LRRC9: variants seen among roughly 807,000 people sequenced by gnomAD.
The protein encoded by LRRC9 is leucine rich repeat containing 9, also known as leucine-rich repeat-containing protein 9.
A neutral mutation model predicts 63.2 loss-of-function variants in LRRC9; 122 were observed. The ratio of observed to expected loss-of-function variants is 1.93; its 90% CI spans 1.67 to 2.24. The LOEUF is 2.24. LRRC9 is among the 30% of genes most tolerant of loss of function. The pLI, the probability that LRRC9 is intolerant of heterozygous loss-of-function variation, is 0.00. For synonymous variants in LRRC9, 366 were observed against 213.1 expected, an observed-to-expected ratio of 1.72 and a Z score of -6.25; for missense variants, 1,071 against 627.7, an observed-to-expected ratio of 1.71 and a Z score of -7.55.
chr14:59,985,882 A>T (rs531912527), intron 17 of LRRC9, among the ~76,000 whole-genome samples: 1 of 152,312 alleles, frequency 6.6e-6, no homozygotes, highest in African/African-American at 2.4e-5. Context: ...TAAAATGAAT[A>T]TATTAAAATA....
intron 18 of LRRC9, 123 bp from the exon 19 acceptor site, chr14:59,998,978 G>A: frequency 2.2e-6 from 1 of 459,796 alleles, no homozygotes; most frequent in Non-Finnish European, 3.8e-6. Flanking sequence ...GCTTTTTTTA[G>A]GTATATGTAA....
chr14:59,996,481 G>A (rs1468848310), intron 17 of LRRC9, among the ~76,000 whole-genome samples: 1 of 152,096 alleles, frequency 6.6e-6, no homozygotes, highest in African/African-American at 2.4e-5. Context: ...TTTGAATTAA[G>A]TTGTAGAGAA....
intron 23 of LRRC9, among the ~76,000 whole-genome samples, chr14:60,016,116 G>T (rs918091554): frequency 6.6e-6 from 1 of 152,074 alleles, no homozygotes; most frequent in Non-Finnish European, 1.5e-5. Context: ...AGAAAATCCA[G>T]GGTGTCATTC....
At position 59,985,088 on chromosome 14, in the gene LRRC9, A is replaced by G. The variant is rs777319932; in HGVS notation, c.2092-17A>G. The G allele has an allele frequency of 6.2e-6, 4 of 644,528 alleles. No homozygotes were observed. The highest frequency in any genetic ancestry group is 5.2e-5 in the South Asian group (3 of 58,096). The allele number at this position is 644,528 out of a possible 1,614,324, so 39.9% of individuals were successfully genotyped here. On this transcript the variant is annotated splice_polypyrimidine_tract_variant and intron_variant, in intron 16 of 31. Transcript: ENST00000445360. ...TAACCTGTATTATTTTTTAATGTAT[A>G]TTTTATTTTGCTTCAGAGTCTGAAT...
intron 18 of LRRC9, 44 bp from the exon 19 acceptor site, chr14:59,999,057 A>G (rs896922784): frequency 3.5e-5 from 21 of 608,480 alleles, no homozygotes; most frequent in Middle Eastern, 5.3e-4. Flanking sequence ...ATGCCATAAC[A>G]TATTTAACAG....
intron 23 of LRRC9, among the ~76,000 whole-genome samples, chr14:60,009,297 C>T (rs943085738): frequency 1.3e-5 from 2 of 152,200 alleles, no homozygotes; most frequent in African/African-American, 2.4e-5. Flanking sequence ...TTAATGGACT[C>T]ACAGTTCCAC....
chr14:60,048,630 A>T (rs1413468294), intron 29 of LRRC9, among the ~76,000 whole-genome samples: 1 of 152,210 alleles, frequency 6.6e-6, no homozygotes, highest in African/African-American at 2.4e-5. Context: ...ATGAGTCCTG[A>T]AATTGAGATA....
At chr14:59,944,051 G>A (rs1048585301) in intron 7 of LRRC9, among the ~76,000 whole-genome samples, 7 of 151,794 alleles carry the variant, frequency 4.6e-5, no homozygotes, top group Non-Finnish European at 8.8e-5. Context: ...ACTGAATGAT[G>A]CATTGTTATT....
chr14:59,998,433 G>A (rs1358226611), intron 18 of LRRC9, among the ~76,000 whole-genome samples: 1 of 151,932 alleles, frequency 6.6e-6, no homozygotes, highest in Non-Finnish European at 1.5e-5. Context: ...ACAAAAATAT[G>A]TAGATTAATG....
At chr14:60,049,279 G>A (rs1488970642) in intron 29 of LRRC9, among the ~76,000 whole-genome samples, 3 of 152,134 alleles carry the variant, frequency 2.0e-5, no homozygotes, top group African/African-American at 7.2e-5. Flanking sequence ...TGTTATGTGT[G>A]AATTTGATTC....
chr14:59,961,058 G>C lies in LRRC9; in HGVS notation c.1211+13G>C, dbSNP rs1344275404. On this transcript the variant is annotated intron_variant, in intron 10 of 31. Coordinates refer to ENST00000445360, the Ensembl canonical transcript of LRRC9. ...GATCTGATGACTGGTAAATCTGTTA[G>C]AAATTTAGTATAGCTTTAAAAATAA... 1.6e-6 allele frequency: 1 copy of C among 632,188 alleles called. No individual in the cohort carries two copies. The highest frequency in any genetic ancestry group is 2.8e-6 in the Non-Finnish European group (1 of 351,104). 39.2% of individuals were successfully genotyped at this position (632,188 alleles called of 1,614,324 possible).
intron 19 of LRRC9, among the ~76,000 whole-genome samples, chr14:59,999,976 A>G (rs1205403944): frequency 6.6e-6 from 1 of 152,112 alleles, no homozygotes. Flanking sequence ...TGTTCTACTA[A>G]AAAGACACAT....
At chr14:59,984,236 C>G (rs930862542) in intron 16 of LRRC9, among the ~76,000 whole-genome samples, 2 of 152,136 alleles carry the variant, frequency 1.3e-5, no homozygotes, top group African/African-American at 4.8e-5. Context: ...CATAAATTGG[C>G]CCTTAACAAT....
chr14:60,045,737 G>A (rs773506196), intron 29 of LRRC9, among the ~76,000 whole-genome samples: 7 of 152,090 alleles, frequency 4.6e-5, no homozygotes, highest in Non-Finnish European at 5.9e-5. Context: ...GTAAACAAAC[G>A]CGTTCATGTA....
At chr14:59,959,875 A>G in exon 9 of LRRC9, 1 of 697,878 alleles carries the variant, frequency 1.4e-6, no homozygotes, top group Non-Finnish European at 2.6e-6. Flanking sequence ...TGATGGATCC[A>G]ATAACAGTAA....
intron 8 of LRRC9, among the ~76,000 whole-genome samples, chr14:59,949,242 G>T (rs987984055): frequency 2.6e-5 from 4 of 152,108 alleles, no homozygotes; most frequent in Non-Finnish European, 4.4e-5. Flanking sequence ...TCTTGAGAGA[G>T]TGTATGTGTC....
At position 59,975,089 on chromosome 14, in the gene LRRC9, GTATATATATATACATATA is replaced by G. The variant is rs1566833265; in HGVS notation, c.1639+387_1639+404del. Among the ~76,000 whole-genome samples the G allele has an allele frequency of 2.1e-4, 7 of 33,162 alleles. No individual in the cohort carries two copies. The East Asian group carries it at 2.2e-3, about 10-fold the overall frequency. The allele number at this position is 33,162 out of a possible 152,430, so 21.8% of individuals were successfully genotyped here. ...CTATGTGTGTGTGTGTGTGTGTAGT[GTATATATATATACATATA>G]TATATGTATATATATATATGTATAT... On this transcript the variant is annotated intron_variant, in intron 13 of 31. Coordinates refer to ENST00000445360, the Ensembl canonical transcript of LRRC9.
At position 59,936,703 on chromosome 14, in the gene LRRC9, T is replaced by C. The variant is rs1007922806; in HGVS notation, c.544-1687T>C. 1.3e-5 allele frequency among the ~76,000 whole-genome samples: 2 copies of C among 152,164 alleles called. No individual in the cohort carries two copies. The highest frequency in any genetic ancestry group is 2.9e-5 in the Non-Finnish European group (2 of 68,028). The stretch of plus-strand genomic sequence containing the variant: ...CAGCTCTGTCCATAAATCTTCCTTT[T>C]AGAGCAACTCTGCTTAGTCCTCCTC... On this transcript the variant is annotated intron_variant, in intron 6 of 31. Coordinates refer to ENST00000445360, the Ensembl canonical transcript of LRRC9. The surrounding 1 kb of genome is among the most constrained non-coding windows in gnomAD (Gnocchi z 4.2).
exon 32 of LRRC9, chr14:60,063,555 C>G (rs1458019752): frequency 2.1e-6 from 1 of 476,786 alleles, no homozygotes; most frequent in African/African-American, 2.0e-5. Context: ...CTCTCTTAAA[C>G]TTTCTTTATG....
Sources: allele counts gnomAD v4.1 joint callset (sites outside exome capture counted in the v4.1 genomes callset), GRCh38; gene constraint gnomAD v4.1.1; non-coding constraint Gnocchi (gnomAD v3.1); transcripts MANE v1.5; gene names NCBI Gene and HGNC (gene_info 2026-07-23, HGNC 2026-07-21).